The following TUT7 variants were observed in gnomAD, a reference collection of about 807,000 sequenced individuals.
TUT7 encodes the protein terminal uridylyl transferase 7.
Under a neutral mutation model 165.9 loss-of-function variants are expected in TUT7, and 33 were observed. The ratio of observed to expected loss-of-function variants is 0.20; its 90% confidence interval spans 0.15 to 0.27. TUT7 has a LOEUF of 0.27. Ranked by LOEUF, TUT7 falls within the 10% of genes least tolerant of loss-of-function variation. The pLI, the probability that TUT7 is intolerant of heterozygous loss-of-function variation, is 1.00. For missense variants in TUT7, 1,338 were observed against 1,762.3 expected (o/e 0.76, Z 4.31); for synonymous variants, 552 against 608.1 (o/e 0.91, Z 1.36).
chr9:86,313,079 T>A (rs1246757116), intron 17 of TUT7, among the ~76,000 whole-genome samples: 1 of 151,764 alleles, frequency 6.6e-6, no homozygotes, highest in Non-Finnish European at 1.5e-5. Context: ...TATTGTCCTG[T>A]GACCCTGCCA....
In TUT7 at chr9:86,331,372, G is replaced by A. The variant is rs7038571; in HGVS notation, c.1456-2880C>T. On this transcript the variant is annotated intron_variant, in intron 10 of 26. Coordinates refer to ENST00000375963, the MANE Select transcript of TUT7 (RefSeq NM_024617.4). ...TTATAAATATTAATTAGGTCAAGGCGGTTGATATGATGTATCAGTTTATAC... is the reference window on the plus strand; with the variant it reads ...TTATAAATATTAATTAGGTCAAGGCAGTTGATATGATGTATCAGTTTATAC... Among the ~76,000 whole-genome samples, 344 of 152,248 alleles carry A rather than the reference G, an allele frequency of 2.3e-3. 1 individual carries two copies. The highest frequency in any genetic ancestry group is 7.3e-3 in the African/African-American group (305 of 41,544).
At chr9:86,319,090 T>C (rs1828994760) in intron 15 of TUT7, 32 bp from the exon 16 acceptor site, 1 of 1,480,526 alleles carries the variant, frequency 6.8e-7, no homozygotes, top group Non-Finnish European at 9.4e-7. Flanking sequence ...TAATAACTAA[T>C]TACCTGAGTA....
intron 24 of TUT7, 77 bp downstream of exon 24, chr9:86,304,779 A>T: frequency 1.1e-6 from 1 of 873,294 alleles, no homozygotes; most frequent in Non-Finnish European, 1.8e-6. Context: ...TAAATATTTA[A>T]GTTACTACTG....
chr9:86,316,288 C>G (rs1828714059), intron 17 of TUT7, among the ~76,000 whole-genome samples: 1 of 152,106 alleles, frequency 6.6e-6, no homozygotes, highest in African/African-American at 2.4e-5. Context: ...TTATCCAGTC[C>G]AGTTGCCTCA....
At chr9:86,304,162 T>A (rs998183876) in intron 24 of TUT7, among the ~76,000 whole-genome samples, 8 of 152,158 alleles carry the variant, frequency 5.3e-5, no homozygotes, top group African/African-American at 1.9e-4. Flanking sequence ...TATATGTTAA[T>A]TAACTTGATT....
rs1006359474 is a variant in TUT7, at chr9:86,311,185, A to G, written c.3275-376T>C. ...TATGTGGTTCCCACCTGTTCTCTCCATGTGACTATATCTAATTTGGAGAAC... is the reference window on the plus strand; with the variant it reads ...TATGTGGTTCCCACCTGTTCTCTCCGTGTGACTATATCTAATTTGGAGAAC... On this transcript the variant is annotated intron_variant, in intron 17 of 26. Coordinates refer to ENST00000375963, the MANE Select transcript of TUT7 (RefSeq NM_024617.4). The surrounding 1 kb of genome is among the most constrained non-coding windows in gnomAD (Gnocchi z 4.4). Among the ~76,000 whole-genome samples, 11 of 152,322 alleles carry G rather than the reference A, an allele frequency of 7.2e-5. No homozygotes were observed. The highest frequency in any genetic ancestry group is 2.0e-4 in the Admixed American group (3 of 15,302).
chr9:86,313,153 T>G (rs995089551), intron 17 of TUT7, among the ~76,000 whole-genome samples: 4 of 150,618 alleles, frequency 2.7e-5, no homozygotes, highest in Non-Finnish European at 4.4e-5. Context: ...AATAAATAAA[T>G]AAATAAATAA....
chr9:86,347,312 A>C (rs1005732651), intron 2 of TUT7, among the ~76,000 whole-genome samples: 1 of 152,260 alleles, frequency 6.6e-6, no homozygotes, highest in East Asian at 1.9e-4. Flanking sequence ...TAAAACTTAT[A>C]ACTTTTCAAC....
At position 86,301,967 on chromosome 9, in the gene TUT7, G is replaced by A. The variant is rs1458554397; in HGVS notation, c.4095-366C>T. 2.2e-5 allele frequency: 12 copies of A among 556,098 alleles called. No homozygotes were observed. In the South Asian group the frequency reaches 7.9e-4, roughly 37 times the overall value. The allele number at this position is 556,098 out of a possible 1,614,324, so 34.4% of individuals were successfully genotyped here. A position where few individuals can be genotyped will look rare whatever the true frequency, so the allele number is the denominator to read the frequency against. On this transcript the variant is annotated intron_variant, in intron 25 of 26. Coordinates refer to ENST00000375963, the MANE Select transcript of TUT7 (RefSeq NM_024617.4). ...CACATTAGCATTCTTTCTTTACTTG[G>A]CACTGGAAATTTTAGATGTGAAGGC...
chr9:86,344,264 A>T (rs1831564016), intron 5 of TUT7, among the ~76,000 whole-genome samples: 1 of 152,162 alleles, frequency 6.6e-6, no homozygotes. Flanking sequence ...GAGAATGATG[A>T]AGCTATTCCA....
Position 86,324,058 on chromosome 9 carries a change from C to A in TUT7, c.1790-98G>T. 4 of 1,072,908 alleles carry A rather than the reference C, an allele frequency of 3.7e-6. No homozygotes were observed. In the South Asian group the frequency reaches 6.6e-5, roughly 18 times the overall value. The allele number at this position is 1,072,908 out of a possible 1,614,324, so 66.5% of individuals were successfully genotyped here. ...GCCTGCTGCAGATAAAAACAGACAACAAACAATGGTAAAATTTATCTTGCA... is the reference window on the plus strand; with the variant it reads ...GCCTGCTGCAGATAAAAACAGACAAAAAACAATGGTAAAATTTATCTTGCA... On this transcript the variant is annotated intron_variant, in intron 12 of 26. Coordinates refer to ENST00000375963, the MANE Select transcript of TUT7 (RefSeq NM_024617.4).
chr9:86,353,023 C>T lies in TUT7; in HGVS notation c.177G>A (p.Gly59=), dbSNP rs571328945. The part of the protein sequence containing the change: ...KGLQKKKITP[G]NYGNTPRKGP... The stretch of plus-strand genomic sequence containing the variant: ...CTTTTCTGGGGGTATTCCCATAGTT[C>T]CCTGGTGTTATCTTCTTTTTTTGAA... Residue 59 remains glycine (G), a synonymous_variant, in exon 2 of 27, where the codon GGG becomes GGA. Coordinates refer to ENST00000375963, the MANE Select transcript of TUT7 (RefSeq NM_024617.4). The T allele has an allele frequency of 4.3e-6, 7 of 1,614,144 alleles. No homozygotes were observed. The highest frequency in any genetic ancestry group is 5.1e-6 in the Non-Finnish European group (6 of 1,180,020).
At chr9:86,338,755 A>G in intron 9 of TUT7, 68 bp downstream of exon 9, 1 of 1,399,732 alleles carries the variant, frequency 7.1e-7, no homozygotes, top group Non-Finnish European at 9.4e-7. Flanking sequence ...GATTAAATTA[A>G]GTAAAAATCA....
chr9:86,346,173 G>A, intron 3 of TUT7, 126 bp downstream of exon 3: 1 of 831,676 alleles, frequency 1.2e-6, no homozygotes, highest in South Asian at 1.9e-5. Flanking sequence ...CTTTTAACTT[G>A]TAGTGCTTAA....
intron 26 of TUT7, among the ~76,000 whole-genome samples, chr9:86,298,069 T>G (rs2131285043): frequency 6.6e-6 from 1 of 152,216 alleles, no homozygotes; most frequent in East Asian, 1.9e-4. Flanking sequence ...ACTGGCCCCT[T>G]TGTTTCATTT....
chr9:86,339,046 C>A, intron 8 of TUT7, 97 bp from the exon 9 acceptor site: 1 of 1,074,144 alleles, frequency 9.3e-7, no homozygotes, highest in South Asian at 3.8e-5. Context: ...AATATACATG[C>A]ATAATAAATA....
chr9:86,345,177 T>A (rs1235560363), intron 4 of TUT7, 23 bp from the exon 5 acceptor site: 2 of 1,592,126 alleles, frequency 1.3e-6, no homozygotes, highest in East Asian at 4.5e-5. Context: ...AATGTTGAGA[T>A]TAAAAATGAC....
chr9:86,334,239 T>C (rs577332442), intron 10 of TUT7, among the ~76,000 whole-genome samples: 2 of 152,296 alleles, frequency 1.3e-5, no homozygotes, highest in East Asian at 1.9e-4. Context: ...TAAAGAATGC[T>C]CTGGGCATTA....
chr9:86,304,789 G>A (rs1462383416), intron 24 of TUT7, 67 bp downstream of exon 24: 2 of 960,876 alleles, frequency 2.1e-6, no homozygotes, highest in African/African-American at 1.7e-5. Context: ...AGTTACTACT[G>A]AAGTGATGTG....
Sources: allele counts gnomAD v4.1 joint callset (sites outside exome capture counted in the v4.1 genomes callset), GRCh38; gene constraint gnomAD v4.1.1; non-coding constraint Gnocchi (gnomAD v3.1); transcripts MANE v1.5; gene names NCBI Gene and HGNC (gene_info 2026-07-23, HGNC 2026-07-21).